The following WASHC4 variants were observed in gnomAD, a reference collection of about 807,000 sequenced individuals.
WASHC4 encodes the protein WASH complex subunit 7.
In WASHC4, 86 loss-of-function variants were observed where a neutral mutation model predicts 166.6. The observed-to-expected ratio is 0.52, with a 90% confidence interval of 0.43 to 0.62. WASHC4 has a LOEUF of 0.62. Among genes scored for constraint, WASHC4 ranks in the 20% least tolerant of loss-of-function variants. The probability of loss-of-function intolerance (pLI) is 0.00; values close to 1 mark genes in which losing one functional copy is unlikely to be tolerated. For missense variants in WASHC4, 1,262 were observed against 1,382.4 expected (o/e 0.91, Z 1.38); for synonymous variants, 446 against 451.6 (o/e 0.99, Z 0.16).
At chr12:105,141,409 A>T (rs1044057168) in intron 18 of WASHC4, among the ~76,000 whole-genome samples, 163 bp downstream of exon 18, 1 of 152,234 alleles carries the variant, frequency 6.6e-6, no homozygotes, top group Non-Finnish European at 1.5e-5. Flanking sequence ...ACTAGGGATC[A>T]TATTTATTTA....
At chr12:105,120,222 A>G (rs1187873558) in intron 7 of WASHC4, among the ~76,000 whole-genome samples, 1 of 152,220 alleles carries the variant, frequency 6.6e-6, no homozygotes, top group Non-Finnish European at 1.5e-5. Flanking sequence ...TCCAAGATAA[A>G]TCATTTGGGT....
At chr12:105,162,471 G>C (rs1162218581) in intron 29 of WASHC4, among the ~76,000 whole-genome samples, 2 of 152,138 alleles carry the variant, frequency 1.3e-5, no homozygotes, top group African/African-American at 4.8e-5. Context: ...TTTATAATGA[G>C]ATATACAAGG....
rs1241211138 is a variant in WASHC4 at position 105,133,789 on chromosome 12, G to A, written c.1219G>A (p.Val407Ile). ...TGTTAGAGATGTACAGTCTTACTAC[G>A]TCTTTGTGAGCTCATGGATGATGAA... ...SLTKDVQSYY[V>I]FVSSWMMKME... is the part of the protein sequence containing the mutation. The change falls in exon 14 of 33, where the codon GTC (valine) becomes ATC (isoleucine). Residue 407 changes from valine (V) to isoleucine (I), a missense_variant. Physicochemically the swap from Val to Ile is conservative, Grantham distance 29. Transcript: ENST00000332180. 5.0e-6 allele frequency: 8 copies of A among 1,612,132 alleles called. No individual in the cohort carries two copies. Among genetic ancestry groups the A allele is most frequent in the African/African-American group, 1.3e-5 (1 of 74,852 alleles).
chr12:105,164,763 G>T, intron 32 of WASHC4, 23 bp downstream of exon 32: 1 of 1,513,632 alleles, frequency 6.6e-7, no homozygotes, highest in South Asian at 1.1e-5. Flanking sequence ...TTTAAATTTG[G>T]AAAGACCAAT....
intron 1 of WASHC4, 114 bp downstream of exon 1, chr12:105,107,975 C>A: frequency 1.3e-6 from 1 of 793,746 alleles, no homozygotes; most frequent in South Asian, 1.5e-5. Flanking sequence ...TGGTGCGGGA[C>A]ACTTCAGAGC....
intron 28 of WASHC4, among the ~76,000 whole-genome samples, chr12:105,158,550 C>A (rs1184044990): frequency 6.6e-6 from 1 of 151,988 alleles, no homozygotes; most frequent in Non-Finnish European, 1.5e-5. Context: ...AAAAAATACA[C>A]GGAGATTGTT....
At chr12:105,147,815 G>T in intron 24 of WASHC4, 1 of 500,886 alleles carries the variant, frequency 2.0e-6, no homozygotes, top group Non-Finnish European at 2.6e-6. Context: ...TGAGGCAGGA[G>T]AATCGCTTGA....
Position 105,146,500 on chromosome 12 carries a change from C to A in WASHC4, c.2383C>A (p.Arg795=). Residue 795 remains arginine (R), a synonymous_variant, in exon 23 of 33, where the codon CGA becomes AGA. Transcript: ENST00000332180. Reference sequence around the variant, plus strand: ...GAGAAACATTCATATATTTGTGTCCCGATACCTCTATAATCTCAACAATCA... The same window carrying A: ...GAGAAACATTCATATATTTGTGTCCAGATACCTCTATAATCTCAACAATCA... The part of the protein sequence containing the change: ...IMRNIHIFVS[R]YLYNLNNQIF... 1 of 1,602,648 alleles carries A rather than the reference C, an allele frequency of 6.2e-7. No homozygotes were observed. Among genetic ancestry groups the A allele is most frequent in the Non-Finnish European group, 8.5e-7 (1 of 1,170,982 alleles).
chr12:105,164,872 TTTTAAAAAAAG>T (rs1287730765), intron 32 of WASHC4, 132 bp downstream of exon 32: 9 of 667,312 alleles, frequency 1.3e-5, no homozygotes, highest in Admixed American at 5.9e-5. Context: ...GCATTAAGTC[TTTTAAAAAAAG>T]TAAAGCCTGT....
chr12:105,111,329 A>ATACAT, intron 2 of WASHC4, 65 bp downstream of exon 2: 2 of 1,032,990 alleles, frequency 1.9e-6, no homozygotes, highest in Non-Finnish European at 1.4e-6. Flanking sequence ...CTGAAAACAT[A>ATACAT]ATTTTTTAAA....
At position 105,114,435 on chromosome 12, in the gene WASHC4, T is replaced by C. The variant is rs759084197; in HGVS notation, c.321+8T>C. ...AAGAAATTAAAATATGAGGTAATTA[T>C]TTGAATTCTTGTCTTAAAACTTTAA... On this transcript the variant is annotated splice_region_variant and intron_variant, in intron 4 of 32. Coordinates refer to ENST00000332180, the MANE Select transcript of WASHC4 (RefSeq NM_015275.3). 4 of 1,546,694 alleles carry C rather than the reference T, an allele frequency of 2.6e-6. No individual in the cohort carries two copies. Among genetic ancestry groups the C allele is most frequent in the African/African-American group, 1.4e-5 (1 of 72,614 alleles).
intron 14 of WASHC4, among the ~76,000 whole-genome samples, chr12:105,136,111 C>G (rs564344004): frequency 6.6e-6 from 1 of 152,180 alleles, no homozygotes; most frequent in East Asian, 1.9e-4. Flanking sequence ...GGATTTTGAT[C>G]CTGTGATGGT....
At chr12:105,122,693 C>T (rs541971852) in intron 10 of WASHC4, among the ~76,000 whole-genome samples, 17 of 152,074 alleles carry the variant, frequency 1.1e-4, no homozygotes, top group African/African-American at 4.1e-4. Context: ...ATATTTTAAA[C>T]TTTTTCATTA....
At position 105,127,215 on chromosome 12, in the gene WASHC4, A is replaced by G. The variant is rs1881369203; in HGVS notation, c.1125A>G (p.Leu375=). The change falls in exon 13 of 33, where the codon CTA becomes CTG. Residue 375 remains leucine, a synonymous_variant. Coordinates refer to ENST00000332180, the MANE Select transcript of WASHC4 (RefSeq NM_015275.3). ...IQKIPAAAKL[L]DRKSLQAIKI... The stretch of plus-strand genomic sequence containing the variant: ...AAATACCAGCAGCTGCCAAACTGCT[A>G]GACAGAAAAAGTCTTCAAGCCATTA... 1 of 1,611,544 alleles carries G rather than the reference A, an allele frequency of 6.2e-7. No homozygotes were observed. Among genetic ancestry groups the G allele is most frequent in the Non-Finnish European group, 8.5e-7 (1 of 1,177,778 alleles).
At chr12:105,113,971 A>G (rs1198885167) in intron 2 of WASHC4, among the ~76,000 whole-genome samples, 1 of 152,098 alleles carries the variant, frequency 6.6e-6, no homozygotes, top group East Asian at 1.9e-4. Flanking sequence ...CTTATACTGC[A>G]CTCATAATCA....
chr12:105,139,425 G>GTGTGTGTGTGTGTATATATATATATATA, intron 15 of WASHC4, among the ~76,000 whole-genome samples: 37 of 103,204 alleles, frequency 3.6e-4, no homozygotes, highest in Non-Finnish European at 6.1e-4. Flanking sequence ...ATGTGTGTGT[G>GTGTGTGTGTGTGTATATATATATATATA]TATATATATA....
intron 2 of WASHC4, among the ~76,000 whole-genome samples, chr12:105,112,139 A>G (rs1192767965): frequency 1.3e-5 from 2 of 152,208 alleles, no homozygotes; most frequent in Non-Finnish European, 2.9e-5. Flanking sequence ...ACTTCATATA[A>G]ATGAAATCAT....
Position 105,167,105 on chromosome 12 carries a change from C to G in WASHC4, c.*174C>G. On this transcript the variant is annotated 3_prime_UTR_variant, in exon 33 of 33. Coordinates refer to ENST00000332180, the MANE Select transcript of WASHC4 (RefSeq NM_015275.3). ...GAAGTTCATTCTGTTTCCAAAGGCT[C>G]TACTTTCAAAGGTTAAGAATGAGAT... 1 of 594,990 alleles carries G rather than the reference C, an allele frequency of 1.7e-6. No homozygotes were observed. Among genetic ancestry groups the G allele is most frequent in the South Asian group, 2.0e-5 (1 of 49,994 alleles). 36.9% of individuals were successfully genotyped at this position (594,990 alleles called of 1,614,324 possible). A position where few individuals can be genotyped will look rare whatever the true frequency, so the allele number is the denominator to read the frequency against.
At chr12:105,111,024 T>C (rs1879635961) in intron 1 of WASHC4, 101 bp from the exon 2 acceptor site, 1 of 835,812 alleles carries the variant, frequency 1.2e-6, no homozygotes, top group Admixed American at 2.0e-5. Flanking sequence ...TCCAGAGTAA[T>C]AATTAACAGT....
Sources: gnomAD v4.1 joint callset for allele counts (sites outside exome capture counted in the v4.1 genomes callset) on GRCh38, gnomAD v4.1.1 for gene constraint, MANE v1.5 for transcripts, NCBI Gene and HGNC (gene_info 2026-07-23, HGNC 2026-07-21) for gene names.